TRAPPC12: variants seen among roughly 807,000 people sequenced by gnomAD.
TRAPPC12 encodes the protein trafficking protein particle complex subunit 12, also known as TPR repeat protein 15.
In TRAPPC12, 61 loss-of-function variants were observed where a neutral mutation model predicts 69.2. The observed-to-expected ratio is 0.88, with a 90% CI of 0.72 to 1.09. The LOEUF (loss-of-function observed/expected upper bound fraction) is 1.09, where lower values mean the gene tolerates loss of function less well. Ranked by LOEUF, TRAPPC12 falls within the 50% of genes least tolerant of loss-of-function variation. The probability of loss-of-function intolerance (pLI) is 0.00; values close to 1 mark genes in which losing one functional copy is unlikely to be tolerated. For missense variants in TRAPPC12, 1,101 were observed against 1,016.4 expected, an observed-to-expected ratio of 1.08 and a Z score of -1.13; for synonymous variants, 469 against 438.9, an observed-to-expected ratio of 1.07 and a Z score of -0.86.
intron 2 of TRAPPC12, among the ~76,000 whole-genome samples, chr2:3,400,022 AC>A (rs368017705): frequency 6.6e-6 from 1 of 152,008 alleles, no homozygotes; most frequent in African/African-American, 2.4e-5. Context: ...GGCTTTCTCC[AC>A]CCCCCATCTT....
chr2:3,406,277 A>T (rs1661725301), intron 3 of TRAPPC12, among the ~76,000 whole-genome samples: 1 of 149,014 alleles, frequency 6.7e-6, no homozygotes, highest in Non-Finnish European at 1.5e-5. Flanking sequence ...AGAAGCAGGA[A>T]ATTATCTTAG....
chr2:3,448,821 G>T (rs962112574), intron 6 of TRAPPC12, among the ~76,000 whole-genome samples: 2 of 152,252 alleles, frequency 1.3e-5, no homozygotes, highest in African/African-American at 4.8e-5. Context: ...GAGGCTCCTG[G>T]TAAGGGAGCA....
At chr2:3,391,108 T>C (rs187835221) in intron 2 of TRAPPC12, among the ~76,000 whole-genome samples, 16 of 152,346 alleles carry the variant, frequency 1.1e-4, no homozygotes, top group Middle Eastern at 3.4e-3. Context: ...TTAAATCATA[T>C]GCATGTCAGT....
intron 5 of TRAPPC12, among the ~76,000 whole-genome samples, chr2:3,426,972 C>T (rs1013409476): frequency 1.3e-5 from 2 of 152,192 alleles, no homozygotes; most frequent in Non-Finnish European, 2.9e-5. Flanking sequence ...ATTTGAGGGT[C>T]ATCCTTTCCG....
At position 3,387,787 on chromosome 2, in the gene TRAPPC12, C is replaced by G. The variant is rs138331412; in HGVS notation, c.164C>G (p.Ser55Trp). ...SEENETASEG[S>W]SPLADKLNEH... ...GAGAACGAGACCGCATCGGAAGGCTCGAGTCCTCTCGCGGACAAGCTGAAC... is the reference window on the plus strand; with the variant it reads ...GAGAACGAGACCGCATCGGAAGGCTGGAGTCCTCTCGCGGACAAGCTGAAC... The change falls in exon 2 of 12, where the codon TCG (serine) becomes TGG (tryptophan). Residue 55 changes from serine (S) to tryptophan (W), a missense_variant. Coordinates refer to ENST00000324266, the MANE Select transcript of TRAPPC12 (RefSeq NM_016030.6). 135 of 1,613,304 alleles carry G rather than the reference C, an allele frequency of 8.4e-5. No homozygotes were observed. In the African/African-American group the frequency reaches 1.7e-3, roughly 20 times the overall value.
chr2:3,397,174 T>C (rs2103457155), intron 2 of TRAPPC12, among the ~76,000 whole-genome samples: 1 of 152,360 alleles, frequency 6.6e-6, no homozygotes, highest in South Asian at 2.1e-4. Flanking sequence ...TTTTTCATCT[T>C]CCTTTGAAAA....
intron 5 of TRAPPC12, among the ~76,000 whole-genome samples, chr2:3,440,338 G>C (rs1211698281): frequency 6.6e-6 from 1 of 152,110 alleles, no homozygotes; most frequent in Non-Finnish European, 1.5e-5. Context: ...AATATCTCTT[G>C]ATTTCTTCAG....
intron 3 of TRAPPC12, among the ~76,000 whole-genome samples, chr2:3,416,260 C>T (rs1413320126): frequency 1.3e-5 from 2 of 152,124 alleles, no homozygotes; most frequent in Admixed American, 6.5e-5. Flanking sequence ...AAGCCTGCCC[C>T]ACCAGCCCAG....
intron 3 of TRAPPC12, among the ~76,000 whole-genome samples, chr2:3,413,589 G>A (rs2103495529): frequency 6.6e-6 from 1 of 152,212 alleles, no homozygotes; most frequent in East Asian, 1.9e-4. Context: ...ACATATTTGA[G>A]GATATAAGAA....
chr2:3,432,193 T>C (rs1279839118), intron 5 of TRAPPC12, among the ~76,000 whole-genome samples: 1 of 152,252 alleles, frequency 6.6e-6, no homozygotes, highest in East Asian at 1.9e-4. Context: ...CAGATCTGCA[T>C]GTTTAGACTA....
At chr2:3,423,110 A>C (rs2103057443) in intron 4 of TRAPPC12, among the ~76,000 whole-genome samples, 1 of 152,348 alleles carries the variant, frequency 6.6e-6, no homozygotes, top group East Asian at 1.9e-4. Context: ...CCCTAGAGCC[A>C]GGAACCACCA....
chr2:3,457,346 A>T (rs1665210732), intron 6 of TRAPPC12: 1 of 477,354 alleles, frequency 2.1e-6, no homozygotes, highest in African/African-American at 2.0e-5. Context: ...TCCCATGCTG[A>T]CTACCTGGGT....
chr2:3,443,681 TCTG>T (rs758500255), intron 5 of TRAPPC12, 95 bp from the exon 6 acceptor site: 3 of 851,334 alleles, frequency 3.5e-6, no homozygotes, highest in Non-Finnish European at 6.0e-6. Context: ...TGTCATCACT[TCTG>T]CTGGGACATC....
intron 5 of TRAPPC12, among the ~76,000 whole-genome samples, chr2:3,440,236 C>T (rs1465873618): frequency 6.6e-6 from 1 of 152,150 alleles, no homozygotes; most frequent in East Asian, 1.9e-4. Context: ...AAATAATTTG[C>T]TGAGATTTTG....
At chr2:3,475,633 T>G (rs1323910156) in intron 9 of TRAPPC12, among the ~76,000 whole-genome samples, 1 of 152,154 alleles carries the variant, frequency 6.6e-6, no homozygotes. Flanking sequence ...CCAAGATTTC[T>G]CTGTTATCTT....
intron 5 of TRAPPC12, among the ~76,000 whole-genome samples, chr2:3,424,984 A>T (rs888436137): frequency 6.6e-6 from 1 of 152,246 alleles, no homozygotes; most frequent in Non-Finnish European, 1.5e-5. Flanking sequence ...GAGCCGTCCC[A>T]TATCGGGACC....
At chr2:3,392,824 A>G (rs906670436) in intron 2 of TRAPPC12, among the ~76,000 whole-genome samples, 2 of 152,268 alleles carry the variant, frequency 1.3e-5, no homozygotes, top group African/African-American at 2.4e-5. Flanking sequence ...ACAGTCCCCC[A>G]TTCTGGGTAT....
At chr2:3,465,484 G>A (rs539166595) in intron 8 of TRAPPC12, 113 bp from the exon 9 acceptor site, 392 of 725,930 alleles carry the variant, frequency 5.4e-4, no homozygotes, top group Non-Finnish European at 7.6e-4. Flanking sequence ...CAGCTCCTGC[G>A]TCAGCGTGTC....
chr2:3,424,747 A>C (rs1388601982), intron 5 of TRAPPC12, 84 bp downstream of exon 5: 1 of 1,391,200 alleles, frequency 7.2e-7, no homozygotes, highest in African/African-American at 1.5e-5. Flanking sequence ...TCGTAGCCTC[A>C]GTTTTCCTTA....
Sources: gnomAD v4.1 joint callset for allele counts (sites outside exome capture counted in the v4.1 genomes callset) on GRCh38, gnomAD v4.1.1 for gene constraint, MANE v1.5 for transcripts, NCBI Gene and HGNC (gene_info 2026-07-23, HGNC 2026-07-21) for gene names.